PTPRO: variants seen among roughly 807,000 people sequenced by gnomAD.
PTPRO encodes the protein receptor-type tyrosine-protein phosphatase O.
A neutral mutation model predicts 145.2 loss-of-function variants in PTPRO; 62 were observed. That is an observed-to-expected ratio of 0.43 (90% CI 0.35 to 0.53). The LOEUF (loss-of-function observed/expected upper bound fraction) is 0.53, where lower values mean the gene tolerates loss of function less well. Among genes scored for constraint, PTPRO ranks in the 20% least tolerant of loss-of-function variants. PTPRO has a pLI of 0.01. For synonymous variants in PTPRO, 565 were observed against 514.7 expected, an observed-to-expected ratio of 1.10 and a Z score of -1.32; for missense variants, 1,345 against 1,482.7, an observed-to-expected ratio of 0.91 and a Z score of 1.53.
chr12:15,416,389 G>T (rs1484271275), intron 1 of PTPRO, among the ~76,000 whole-genome samples: 12 of 148,640 alleles, frequency 8.1e-5, no homozygotes, highest in Admixed American at 8.1e-4. Flanking sequence ...GCACAATCTC[G>T]GCTCACTGCA....
intron 12 of PTPRO, among the ~76,000 whole-genome samples, chr12:15,533,523 T>C (rs1017060196): frequency 3.2e-4 from 49 of 152,336 alleles, no homozygotes; most frequent in African/African-American, 9.4e-4. Flanking sequence ...TACTGTTGAA[T>C]GAATTGAAAT....
intron 22 of PTPRO, among the ~76,000 whole-genome samples, chr12:15,581,398 T>G (rs1036107402): frequency 6.8e-6 from 1 of 147,954 alleles, no homozygotes; most frequent in Non-Finnish European, 1.5e-5. Flanking sequence ...GCCTCCCAGG[T>G]TCAAGCGATT....
chr12:15,597,007 ACTTT>A lies in PTPRO; in HGVS notation c.*940_*943del, dbSNP rs1201340108. The A allele has an allele frequency of 2.0e-5, 3 of 152,658 alleles. No homozygotes were observed. Among genetic ancestry groups the A allele is most frequent in the Non-Finnish European group, 4.4e-5 (3 of 68,042 alleles). The allele number at this position is 152,658 out of a possible 1,614,324, so 9.5% of individuals were successfully genotyped here. On this transcript the variant is annotated 3_prime_UTR_variant, in exon 27 of 27. Transcript: ENST00000281171. ...AGAACTATATAGGCTGTGAAAACGCACTTTCTTTCCCCCAAAGAGCTGGGAATTT... is the reference window on the plus strand; with the variant it reads ...AGAACTATATAGGCTGTGAAAACGCACTTTCCCCCAAAGAGCTGGGAATTT...
intron 1 of PTPRO, among the ~76,000 whole-genome samples, chr12:15,369,831 C>A (rs1938470029): frequency 6.6e-6 from 1 of 152,130 alleles, no homozygotes; most frequent in Non-Finnish European, 1.5e-5. Flanking sequence ...GAGGGTGGAT[C>A]ACCTGAGGTC....
intron 1 of PTPRO, among the ~76,000 whole-genome samples, chr12:15,339,786 TTC>T (rs1866907207): frequency 2.6e-5 from 4 of 152,200 alleles, no homozygotes; most frequent in Non-Finnish European, 4.4e-5. Flanking sequence ...GTAATTACAA[TTC>T]ATATATATAT....
At chr12:15,499,870 A>C (rs1942182482) in intron 4 of PTPRO, among the ~76,000 whole-genome samples, 2 of 152,226 alleles carry the variant, frequency 1.3e-5, no homozygotes, top group South Asian at 4.1e-4. Context: ...TGACTTACCC[A>C]GATCTAGTAG....
At chr12:15,573,295 T>C (rs964732855) in intron 19 of PTPRO, among the ~76,000 whole-genome samples, 5 of 152,242 alleles carry the variant, frequency 3.3e-5, no homozygotes, top group African/African-American at 1.2e-4. Flanking sequence ...GCCTTCAAAC[T>C]GACTGGATGA....
intron 1 of PTPRO, among the ~76,000 whole-genome samples, chr12:15,472,893 A>G (rs1304629724): frequency 6.6e-6 from 1 of 152,136 alleles, no homozygotes; most frequent in Non-Finnish European, 1.5e-5. Context: ...ATACATACTG[A>G]AAGCCAGAAA....
At chr12:15,454,777 C>CA (rs1941133946) in intron 1 of PTPRO, among the ~76,000 whole-genome samples, 2 of 152,078 alleles carry the variant, frequency 1.3e-5, no homozygotes, top group East Asian at 3.9e-4. Flanking sequence ...GATAAGGGTC[C>CA]AATTTCATTG....
At chr12:15,445,199 C>G (rs1423300389) in intron 1 of PTPRO, among the ~76,000 whole-genome samples, 2 of 151,972 alleles carry the variant, frequency 1.3e-5, no homozygotes, top group Non-Finnish European at 2.9e-5. Context: ...GGGTAATGGA[C>G]TTATAAGGAT....
intron 1 of PTPRO, among the ~76,000 whole-genome samples, chr12:15,483,274 G>A (rs146664306): frequency 5.8e-4 from 89 of 152,194 alleles, no homozygotes; most frequent in African/African-American, 2.1e-3. Context: ...CAATTCCATG[G>A]ATGACTTTTC....
At chr12:15,422,005 A>G (rs950100652) in intron 1 of PTPRO, among the ~76,000 whole-genome samples, 19 of 152,162 alleles carry the variant, frequency 1.2e-4, no homozygotes, top group African/African-American at 4.3e-4. Context: ...ACAATGAAAT[A>G]AAACAAATAT....
At position 15,429,719 on chromosome 12, in the gene PTPRO, C is replaced by T. The variant is rs970799645; in HGVS notation, c.76-54255C>T. Among the ~76,000 whole-genome samples the T allele has an allele frequency of 3.8e-4, 58 of 152,216 alleles. 1 individual carries two copies. Among genetic ancestry groups the T allele is most frequent in the African/African-American group, 1.4e-3 (58 of 41,534 alleles). The stretch of plus-strand genomic sequence containing the variant: ...GGTTAGAGGCAGAGAGCAACATGAC[C>T]TGTTTTATACATTGAAAAATGTTCT... On this transcript the variant is annotated intron_variant, in intron 1 of 26. Transcript: ENST00000281171.
chr12:15,571,798 A>G (rs1311052052), intron 19 of PTPRO, among the ~76,000 whole-genome samples: 1 of 152,200 alleles, frequency 6.6e-6, no homozygotes, highest in African/African-American at 2.4e-5. Flanking sequence ...CTCTAAATGG[A>G]ACCATGTGGG....
chr12:15,337,075 A>G (rs1591711737), intron 1 of PTPRO, among the ~76,000 whole-genome samples: 1 of 152,208 alleles, frequency 6.6e-6, no homozygotes, highest in Non-Finnish European at 1.5e-5. Flanking sequence ...TTGTGGAGCT[A>G]AGGCATGAGC....
chr12:15,509,051 G>A lies in PTPRO; in HGVS notation c.1464+284G>A, dbSNP rs2075245. Among the ~76,000 whole-genome samples the A allele has an allele frequency of 0.1, 15,296 of 152,198 alleles. 1,393 individuals are homozygous for A. The highest frequency in any genetic ancestry group is 0.24 in the African/African-American group (9,994 of 41,508). ...TGTGCCAGGTTCTAAGATAGATGTT[G>A]GAAATTTTTAAACATCCTGCTCTTG... On this transcript the variant is annotated intron_variant, in intron 7 of 26. Transcript: ENST00000281171.
chr12:15,461,803 T>A (rs561902779), intron 1 of PTPRO, among the ~76,000 whole-genome samples: 2 of 152,082 alleles, frequency 1.3e-5, no homozygotes, highest in Admixed American at 1.3e-4. Flanking sequence ...CCTGACCTCG[T>A]GATCCGCCCG....
chr12:15,360,901 C>T lies in PTPRO; in HGVS notation c.75+38100C>T, dbSNP rs1319598732. Among the ~76,000 whole-genome samples the T allele has an allele frequency of 4.2e-5, 5 of 120,098 alleles. 1 individual carries two copies. The highest frequency in any genetic ancestry group is 5.6e-4 in the South Asian group (2 of 3,576). 78.8% of individuals were successfully genotyped at this position (120,098 alleles called of 152,430 possible). On this transcript the variant is annotated intron_variant, in intron 1 of 26. Coordinates refer to ENST00000281171, the MANE Select transcript of PTPRO (RefSeq NM_030667.3). ...ACACACATACACATGTGTATATACACACACATATATACACACATGTATATA... is the reference window on the plus strand; with the variant it reads ...ACACACATACACATGTGTATATACATACACATATATACACACATGTATATA...
At chr12:15,527,875 A>ACCCGCCCACCACCCG (rs76890178) in intron 12 of PTPRO, among the ~76,000 whole-genome samples, 1 of 137,648 alleles carries the variant, frequency 7.3e-6, no homozygotes, top group African/African-American at 2.8e-5. Flanking sequence ...GGGAACTGTG[A>ACCCGCCCACCACCCG]CCCGCCCACG....
Sources: allele counts gnomAD v4.1 joint callset (sites outside exome capture counted in the v4.1 genomes callset), GRCh38; gene constraint gnomAD v4.1.1; transcripts MANE v1.5; gene names NCBI Gene and HGNC (gene_info 2026-07-23, HGNC 2026-07-21).